The following MAF variants were observed in gnomAD, a reference collection of about 807,000 sequenced individuals.
MAF encodes the protein transcription factor Maf.
Under a neutral mutation model 22.0 loss-of-function variants are expected in MAF, and 10 were observed. The observed-to-expected ratio is 0.45, with a 90% CI of 0.28 to 0.77. MAF has a LOEUF of 0.77. Ranked by LOEUF, MAF falls within the 30% of genes least tolerant of loss-of-function variation. The pLI is 0.12. For missense variants in MAF, 544 were observed against 548.4 expected, an observed-to-expected ratio of 0.99 and a Z score of 0.08; for synonymous variants, 337 against 255.8, an observed-to-expected ratio of 1.32 and a Z score of -3.03.
chr16:79,211,889 A>T, the MAF span: 1 of 1,574,642 alleles, frequency 6.4e-7, no homozygotes. Context: ...TGTCCCTCCA[A>T]CACAGATCCG....
chr16:79,348,755 T>C, the MAF span, among the ~76,000 whole-genome samples: 1 of 152,244 alleles, frequency 6.6e-6, no homozygotes, highest in East Asian at 1.9e-4. Flanking sequence ...GACTGTGTTT[T>C]GAAAAGCAAT....
At chr16:79,303,517 T>C in the MAF span, among the ~76,000 whole-genome samples, 1 of 152,206 alleles carries the variant, frequency 6.6e-6, no homozygotes, top group East Asian at 1.9e-4. Flanking sequence ...CCTTAGGCGT[T>C]GTCTCACACT....
the MAF span, among the ~76,000 whole-genome samples, chr16:79,391,172 C>T: frequency 7.2e-5 from 11 of 152,190 alleles, no homozygotes; most frequent in Non-Finnish European, 1.5e-4. Context: ...CCCTGAAACC[C>T]AGTGCTCTAA....
chr16:79,293,341 G>A, the MAF span, among the ~76,000 whole-genome samples: 1 of 152,204 alleles, frequency 6.6e-6, no homozygotes, highest in African/African-American at 2.4e-5. Context: ...CATGGGCAAA[G>A]CCAGTTCTAC....
chr16:79,396,161 G>T, the MAF span, among the ~76,000 whole-genome samples: 1 of 152,210 alleles, frequency 6.6e-6, no homozygotes, highest in African/African-American at 2.4e-5. Flanking sequence ...TGTTTGTCCT[G>T]CAGGACAGGC....
chr16:79,585,840 A>T, downstream of MAF: 1 of 618,874 alleles, frequency 1.6e-6, no homozygotes, highest in Non-Finnish European at 2.8e-6. Flanking sequence ...GAAAAAAAAA[A>T]AAAAACTCAA....
chr16:79,485,894 C>A, the MAF span, among the ~76,000 whole-genome samples: 7 of 152,122 alleles, frequency 4.6e-5, no homozygotes, highest in African/African-American at 1.7e-4. Context: ...AGGACTTCTG[C>A]TGAAAAACTA....
chr16:79,435,203 C>T, the MAF span, among the ~76,000 whole-genome samples: 2 of 152,086 alleles, frequency 1.3e-5, no homozygotes, highest in Non-Finnish European at 2.9e-5. Context: ...CACAGCTGTA[C>T]ACACATATAT....
At chr16:79,369,750 C>G in the MAF span, among the ~76,000 whole-genome samples, 5 of 152,228 alleles carry the variant, frequency 3.3e-5, no homozygotes, top group African/African-American at 9.6e-5. Flanking sequence ...ACTGCTAATG[C>G]TTCCACCCTC....
the MAF span, among the ~76,000 whole-genome samples, chr16:79,334,973 T>C: frequency 6.6e-6 from 1 of 150,942 alleles, no homozygotes. Flanking sequence ...GATCACCAGG[T>C]CAGGAGATTG....
chr16:79,550,482 G>A, the MAF span, among the ~76,000 whole-genome samples: 1 of 152,078 alleles, frequency 6.6e-6, no homozygotes, highest in Non-Finnish European at 1.5e-5. Context: ...TAAAACCTGC[G>A]AAACCTCACA....
chr16:79,299,968 T>G, the MAF span, among the ~76,000 whole-genome samples: 14 of 152,308 alleles, frequency 9.2e-5, no homozygotes, highest in Non-Finnish European at 1.5e-5. Flanking sequence ...CTTGTCCACC[T>G]CTTGTGACTT....
the MAF span, among the ~76,000 whole-genome samples, chr16:79,221,840 G>A: frequency 2.0e-5 from 3 of 152,154 alleles, no homozygotes; most frequent in African/African-American, 7.2e-5. Context: ...GATCTGTGAA[G>A]TTCTGTTATT....
At chr16:79,440,668 C>T in the MAF span, among the ~76,000 whole-genome samples, 1 of 152,204 alleles carries the variant, frequency 6.6e-6, no homozygotes, top group African/African-American at 2.4e-5. Context: ...GCCTTGGCCT[C>T]CCAAAGTGCT....
the MAF span, among the ~76,000 whole-genome samples, chr16:79,324,496 C>T: frequency 6.6e-6 from 1 of 152,102 alleles, no homozygotes; most frequent in Non-Finnish European, 1.5e-5. Flanking sequence ...GAACCAATCC[C>T]CCATGTGTAC....
chr16:79,224,794 C>A, the MAF span, among the ~76,000 whole-genome samples: 1 of 152,172 alleles, frequency 6.6e-6, no homozygotes, highest in African/African-American at 2.4e-5. Context: ...CCTAGGAACA[C>A]AACTTACAAG....
the MAF span, among the ~76,000 whole-genome samples, chr16:79,520,445 C>T: frequency 3.3e-5 from 5 of 152,170 alleles, no homozygotes; most frequent in African/African-American, 1.2e-4. Flanking sequence ...CCTCATTCCC[C>T]ACACCCTAGC....
the MAF span, among the ~76,000 whole-genome samples, chr16:79,270,063 C>T: frequency 1.9e-4 from 29 of 151,648 alleles, no homozygotes; most frequent in African/African-American, 6.1e-4. Context: ...TGCATGCTTA[C>T]GGGAATTCAA....
chr16:79,349,214 C>A, the MAF span, among the ~76,000 whole-genome samples: 1 of 152,218 alleles, frequency 6.6e-6, no homozygotes, highest in Non-Finnish European at 1.5e-5. Flanking sequence ...GGCAGCAGAG[C>A]TGGGACTCAA....
Sources: gnomAD v4.1 joint callset for allele counts (sites outside exome capture counted in the v4.1 genomes callset) on GRCh38, gnomAD v4.1.1 for gene constraint, MANE v1.5 for transcripts, NCBI Gene and HGNC (gene_info 2026-07-23, HGNC 2026-07-21) for gene names.